Variants in ENPP2 observed in about 807,000 individuals in gnomAD.
ENPP2 encodes the protein autotaxin.
ENPP2 carries 51 observed loss-of-function variants against 120.2 expected under a neutral mutation model. The ratio of observed to expected loss-of-function variants is 0.42; its 90% CI spans 0.34 to 0.54. The LOEUF (loss-of-function observed/expected upper bound fraction) is 0.54. Among genes scored for constraint, ENPP2 ranks in the 20% least tolerant of loss-of-function variants. The pLI is 0.04. For missense variants in ENPP2, 920 were observed against 1,066.5 expected, an observed-to-expected ratio of 0.86 and a Z score of 1.91; for synonymous variants, 365 against 366.4, an observed-to-expected ratio of 1.00 and a Z score of 0.04.
At chr8:119,629,016 T>C (rs1816470240) in intron 2 of ENPP2, among the ~76,000 whole-genome samples, 1 of 152,200 alleles carries the variant, frequency 6.6e-6, no homozygotes, top group South Asian at 2.1e-4. Flanking sequence ...TTCTCTTTCC[T>C]TCTCTCTCAT....
At chr8:119,623,378 T>A (rs968815129) in intron 3 of ENPP2, among the ~76,000 whole-genome samples, 2 of 151,890 alleles carry the variant, frequency 1.3e-5, no homozygotes, top group African/African-American at 4.8e-5. Context: ...GGCAGGAGAA[T>A]CGCTTGAACC....
chr8:119,669,119 A>T (rs900869198), intron 1 of ENPP2, among the ~76,000 whole-genome samples: 13 of 152,358 alleles, frequency 8.5e-5, no homozygotes, highest in Admixed American at 3.9e-4. Flanking sequence ...GCCTTTATAG[A>T]TATCAATGAT....
rs1459863225 is a variant in ENPP2, at chr8:119,582,407, A to T, written c.1728+11T>A. 6.2e-7 allele frequency: 1 copy of T among 1,609,192 alleles called. No homozygotes were observed. Among genetic ancestry groups the T allele is most frequent in the Admixed American group, 1.7e-5 (1 of 59,726 alleles). On this transcript the variant is annotated intron_variant, in intron 18 of 24. Coordinates refer to ENST00000075322, the MANE Select transcript of ENPP2 (RefSeq NM_001040092.3). The stretch of plus-strand genomic sequence containing the variant: ...AAACTTCTCCATAATAAACATAAAG[A>T]TTATTTCTACCTTTGGCTCTACCTT...
chr8:119,582,543 G>A lies in ENPP2; in HGVS notation c.1603C>T (p.Leu535=), dbSNP rs535722273. 16 of 1,613,794 alleles carry A rather than the reference G, an allele frequency of 9.9e-6. No individual in the cohort carries two copies. The highest frequency in any genetic ancestry group is 1.7e-4 in the Middle Eastern group (1 of 6,060). The part of the protein sequence containing the change: ...NGTHGSLNHL[L]RTNTFRPTMP... ...GTTGGCCTGAAGGTATTAGTGCGCAGGAGATGATTCAAACTTCCATGGGTC... is the reference window on the plus strand; with the variant it reads ...GTTGGCCTGAAGGTATTAGTGCGCAAGAGATGATTCAAACTTCCATGGGTC... Residue 535 remains leucine, a synonymous_variant, in exon 18 of 25, where the codon CTG becomes TTG. Transcript: ENST00000075322.
At chr8:119,577,046 C>G (rs1812392251) in intron 19 of ENPP2, among the ~76,000 whole-genome samples, 1 of 152,142 alleles carries the variant, frequency 6.6e-6, no homozygotes, top group South Asian at 2.1e-4. Flanking sequence ...GAACATGCAG[C>G]TTTTACTCAT....
At chr8:119,632,742 A>T (rs542595492) in intron 2 of ENPP2, among the ~76,000 whole-genome samples, 1 of 152,316 alleles carries the variant, frequency 6.6e-6, no homozygotes, top group South Asian at 2.1e-4. Flanking sequence ...AAAATATTCC[A>T]TCTTACAATA....
chr8:119,597,420 T>A (rs140638736), intron 11 of ENPP2, among the ~76,000 whole-genome samples: 1 of 152,140 alleles, frequency 6.6e-6, no homozygotes, highest in African/African-American at 2.4e-5. Flanking sequence ...AAGAGTAGGG[T>A]TTAGTCAAAC....
Position 119,590,362 on chromosome 8 carries a change from C to T in ENPP2, c.1207+143G>A, listed in dbSNP as rs1813410776. The T allele has an allele frequency of 5.6e-6, 3 of 531,092 alleles. No homozygotes were observed. The South Asian group carries it at 1.1e-4, about 20-fold the overall frequency. The allele number at this position is 531,092 out of a possible 1,614,324, so 32.9% of individuals were successfully genotyped here. A position where few individuals can be genotyped will look rare whatever the true frequency, so the allele number is the denominator to read the frequency against. On this transcript the variant is annotated intron_variant, in intron 13 of 24. Transcript: ENST00000075322. ...AGATGAAAAAACTGAGGCTTAGAGT[C>T]TAAATGACTTATTTAAGGTCACTCA...
intron 22 of ENPP2, among the ~76,000 whole-genome samples, chr8:119,567,385 A>G (rs1210696254): frequency 6.6e-6 from 1 of 152,208 alleles, no homozygotes. Flanking sequence ...TATAAACCTT[A>G]GAGGTCATGC....
At chr8:119,647,418 T>C (rs956390026) in intron 1 of ENPP2, among the ~76,000 whole-genome samples, 2 of 152,156 alleles carry the variant, frequency 1.3e-5, no homozygotes, top group African/African-American at 4.8e-5. Context: ...ACAATAAATA[T>C]TTCCCAAGTG....
chr8:119,566,360 C>T (rs187204003), intron 22 of ENPP2, among the ~76,000 whole-genome samples: 46 of 152,212 alleles, frequency 3.0e-4, no homozygotes, highest in Non-Finnish European at 5.9e-4. Context: ...GCTGTTAACC[C>T]CTCTTCCCTC....
chr8:119,628,931 T>G (rs1198540316), intron 2 of ENPP2, among the ~76,000 whole-genome samples: 1 of 152,304 alleles, frequency 6.6e-6, no homozygotes, highest in Middle Eastern at 3.4e-3. Context: ...GATTTTTACC[T>G]TCCTGATGTT....
chr8:119,671,045 G>C (rs1818227626), intron 1 of ENPP2, among the ~76,000 whole-genome samples: 1 of 151,654 alleles, frequency 6.6e-6, no homozygotes, highest in African/African-American at 2.4e-5. Flanking sequence ...CTAGCATTTT[G>C]GGAGGCCGAG....
chr8:119,585,426 CTTG>C (rs1266128286), intron 15 of ENPP2, among the ~76,000 whole-genome samples: 1 of 152,146 alleles, frequency 6.6e-6, no homozygotes, highest in African/African-American at 2.4e-5. Flanking sequence ...TAAATATTTT[CTTG>C]TTATCTTCTT....
intron 9 of ENPP2, among the ~76,000 whole-genome samples, chr8:119,602,512 G>T (rs1259958281): frequency 1.3e-5 from 2 of 151,672 alleles, no homozygotes; most frequent in African/African-American, 2.4e-5. Flanking sequence ...GACAAAAAGG[G>T]TATAATCTTC....
At chr8:119,596,040 G>A (rs750613286) in intron 11 of ENPP2, 68 of 1,598,102 alleles carry the variant, frequency 4.3e-5, no homozygotes, top group East Asian at 1.3e-4. Context: ...CTCAGAAGTC[G>A]TCTGTCCCTC....
intron 9 of ENPP2, among the ~76,000 whole-genome samples, chr8:119,603,565 C>T (rs111762476): frequency 4.6e-5 from 7 of 151,920 alleles, no homozygotes; most frequent in Middle Eastern, 3.4e-3. Flanking sequence ...CTCTGGAAAA[C>T]GAGGACAATA....
chr8:119,569,594 C>G (rs1218446838), intron 20 of ENPP2, among the ~76,000 whole-genome samples: 1 of 151,928 alleles, frequency 6.6e-6, no homozygotes, highest in African/African-American at 2.4e-5. Flanking sequence ...CTCTCTTTAT[C>G]AAAGTCTTAA....
At chr8:119,592,452 G>A (rs1400895964) in intron 12 of ENPP2, among the ~76,000 whole-genome samples, 3 of 124,806 alleles carry the variant, frequency 2.4e-5, no homozygotes, top group Admixed American at 9.9e-5. Context: ...CATCTTGGGC[G>A]ATGAGAGTGA....
Sources: gnomAD v4.1 joint callset for allele counts (sites outside exome capture counted in the v4.1 genomes callset) on GRCh38, gnomAD v4.1.1 for gene constraint, MANE v1.5 for transcripts, NCBI Gene and HGNC (gene_info 2026-07-23, HGNC 2026-07-21) for gene names.